PTPRN2: variants seen among roughly 807,000 people sequenced by gnomAD.
The protein encoded by PTPRN2 is receptor-type tyrosine-protein phosphatase N2.
Under a neutral mutation model 118.8 loss-of-function variants are expected in PTPRN2, and 74 were observed. That is an observed-to-expected ratio of 0.62 (90% CI 0.52 to 0.76). The LOEUF is 0.76. PTPRN2 is among the 30% of genes least tolerant of loss of function. The pLI is 0.00. For synonymous variants in PTPRN2, 641 were observed against 608.0 expected, an observed-to-expected ratio of 1.05 and a Z score of -0.80; for missense variants, 1,481 against 1,394.4, an observed-to-expected ratio of 1.06 and a Z score of -0.99.
In PTPRN2 at chr7:158,452,280, T is replaced by TA. The variant is rs1563310881; in HGVS notation, c.163+37454_163+37455insT. 7.3e-4 allele frequency among the ~76,000 whole-genome samples: 111 copies of TA among 152,008 alleles called. 1 individual carries two copies. The highest frequency in any genetic ancestry group is 5.0e-3 in the East Asian group (26 of 5,174). On this transcript the variant is annotated intron_variant, in intron 2 of 22. Coordinates refer to ENST00000389418, the MANE Select transcript of PTPRN2 (RefSeq NM_002847.5). ...GACTTTAAAGCTAGTTCGTTTAATTTCAAAAAAAATTGTTAATATGCTGTT... is the reference window on the plus strand; with the variant it reads ...GACTTTAAAGCTAGTTCGTTTAATTTACAAAAAAAATTGTTAATATGCTGTT...
chr7:157,728,473 T>A (rs1799719820), intron 12 of PTPRN2, among the ~76,000 whole-genome samples: 1 of 152,218 alleles, frequency 6.6e-6, no homozygotes, highest in Admixed American at 6.5e-5. Flanking sequence ...CTTGTCTGCA[T>A]CCCGGGGCCC....
intron 5 of PTPRN2, among the ~76,000 whole-genome samples, chr7:158,183,391 C>A (rs999078314): frequency 4.6e-5 from 7 of 152,218 alleles, no homozygotes; most frequent in African/African-American, 2.4e-5. Context: ...GCCAGGCTCC[C>A]AGATCCTGTG....
intron 12 of PTPRN2, among the ~76,000 whole-genome samples, chr7:157,844,132 TCCA>T (rs1420052617): frequency 6.6e-6 from 1 of 151,566 alleles, no homozygotes; most frequent in Non-Finnish European, 1.5e-5. Context: ...TGCAGGCCCC[TCCA>T]CGTCATGGGT....
At chr7:158,506,329 G>T (rs769729869) in intron 1 of PTPRN2, among the ~76,000 whole-genome samples, 6 of 152,150 alleles carry the variant, frequency 3.9e-5, no homozygotes, top group Non-Finnish European at 5.9e-5. Context: ...GGCCAAGGCT[G>T]CGGGCTCCAC....
rs73514400 is a variant in PTPRN2, at chr7:158,375,798, C to T, written c.164-58866G>A. Among the ~76,000 whole-genome samples the T allele has an allele frequency of 2.2e-3, 338 of 152,212 alleles. 2 individuals carry two copies. The highest frequency in any genetic ancestry group is 7.2e-3 in the African/African-American group (298 of 41,536). ...GAGCGTGTGAATGTCAAGAGGAGTT[C>T]GGCTGGGGACAGTCAGAAAGGAGAT... is the stretch of plus-strand genomic sequence containing the variant. On this transcript the variant is annotated intron_variant, in intron 2 of 22. Transcript: ENST00000389418.
At chr7:157,851,948 G>A (rs187624152) in intron 12 of PTPRN2, among the ~76,000 whole-genome samples, 6 of 152,216 alleles carry the variant, frequency 3.9e-5, no homozygotes, top group Admixed American at 6.5e-5. Context: ...GGCAACACCC[G>A]TTTTCCTAAA....
intron 11 of PTPRN2, among the ~76,000 whole-genome samples, chr7:158,000,418 C>CGAGA (rs1554511117): frequency 6.6e-6 from 1 of 152,108 alleles, no homozygotes; most frequent in East Asian, 2.0e-4. Context: ...TCACCCAACA[C>CGAGA]GTGAAAGCCG....
At chr7:157,693,076 G>C (rs925153326) in intron 12 of PTPRN2, among the ~76,000 whole-genome samples, 7 of 151,892 alleles carry the variant, frequency 4.6e-5, no homozygotes, top group Non-Finnish European at 8.8e-5. Context: ...GGTGGCGCTG[G>C]GGGGCGGGGG....
chr7:158,468,366 G>T (rs1230276330), intron 2 of PTPRN2, among the ~76,000 whole-genome samples: 1 of 152,196 alleles, frequency 6.6e-6, no homozygotes, highest in African/African-American at 2.4e-5. Context: ...GGGTGGGAGG[G>T]TTTCATCAGG....
intron 12 of PTPRN2, among the ~76,000 whole-genome samples, chr7:157,734,080 CACCCAGCACAGTTACCCTTTCCCGT>C (rs1800141231): frequency 1.1e-5 from 1 of 93,544 alleles, no homozygotes; most frequent in Non-Finnish European, 2.2e-5. Flanking sequence ...CCGTCCCATG[CACCCAGCACAGTTACCCTTTCCCGT>C]CCCATGCGCC....
intron 14 of PTPRN2, 126 bp from the exon 15 acceptor site, chr7:157,621,635 G>T: frequency 8.2e-7 from 1 of 1,220,100 alleles, no homozygotes; most frequent in Non-Finnish European, 1.2e-6. Context: ...ACGAGCCTGG[G>T]CCATGGTGCG....
At chr7:158,138,595 G>T in intron 6 of PTPRN2, 80 bp from the exon 7 acceptor site, 1 of 1,388,374 alleles carries the variant, frequency 7.2e-7, no homozygotes, top group Non-Finnish European at 9.9e-7. Flanking sequence ...TAGGGGTGTG[G>T]TGGGCGTCTG....
At chr7:158,207,078 G>A (rs1331848999) in intron 3 of PTPRN2, among the ~76,000 whole-genome samples, 1 of 147,790 alleles carries the variant, frequency 6.8e-6, no homozygotes, top group Non-Finnish European at 1.5e-5. Flanking sequence ...TTGTTCTTGC[G>A]ATAGTTTACT....
At chr7:158,382,354 T>C (rs1456996190) in intron 2 of PTPRN2, among the ~76,000 whole-genome samples, 1 of 152,158 alleles carries the variant, frequency 6.6e-6, no homozygotes, top group African/African-American at 2.4e-5. Flanking sequence ...CACTTTTTGG[T>C]GTAAAACAGG....
chr7:157,633,634 T>C (rs1422344155), intron 14 of PTPRN2, among the ~76,000 whole-genome samples: 1 of 152,084 alleles, frequency 6.6e-6, no homozygotes, highest in East Asian at 1.9e-4. Flanking sequence ...CTCAGAGCCA[T>C]GGGCCGAGTC....
chr7:158,317,994 G>C (rs926048960), intron 2 of PTPRN2, among the ~76,000 whole-genome samples: 18 of 152,334 alleles, frequency 1.2e-4, no homozygotes, highest in African/African-American at 4.3e-4. Context: ...GCAGCTGCGC[G>C]GGCGGGCGGA....
At chr7:158,331,183 C>G (rs1804346206) in intron 2 of PTPRN2, among the ~76,000 whole-genome samples, 1 of 141,732 alleles carries the variant, frequency 7.1e-6, no homozygotes, top group East Asian at 2.2e-4. Flanking sequence ...GAAGAGCTGT[C>G]ACACGCAGAC....
intron 2 of PTPRN2, among the ~76,000 whole-genome samples, chr7:158,470,838 A>AT (rs112598536): frequency 0.14 from 20,745 of 143,892 alleles, 1,776 homozygotes; most frequent in African/African-American, 0.26. Context: ...GATCACATGG[A>AT]TTTTTTTTTT....
intron 10 of PTPRN2, among the ~76,000 whole-genome samples, chr7:158,083,113 C>T (rs542244863): frequency 6.6e-6 from 1 of 152,310 alleles, no homozygotes; most frequent in South Asian, 2.1e-4. Flanking sequence ...CACAGTCTTC[C>T]AGAAGGGCCC....
Sources: allele counts gnomAD v4.1 joint callset (sites outside exome capture counted in the v4.1 genomes callset), GRCh38; gene constraint gnomAD v4.1.1; transcripts MANE v1.5; gene names NCBI Gene and HGNC (gene_info 2026-07-23, HGNC 2026-07-21).